The following GLIS3 variants were observed in gnomAD, a reference collection of about 807,000 sequenced individuals.
GLIS3 encodes GLIS family zinc finger 3.
GLIS3 carries 53 observed loss-of-function variants against 78.6 expected under a neutral mutation model. That is an observed-to-expected ratio of 0.67 (90% confidence interval 0.54 to 0.85). The LOEUF is 0.85. Ranked by LOEUF, GLIS3 falls within the 40% of genes least tolerant of loss-of-function variation. GLIS3 has a pLI of 0.00. For missense variants in GLIS3, 1,703 were observed against 1,231.1 expected, an observed-to-expected ratio of 1.38 and a Z score of -5.74; for synonymous variants, 684 against 509.9, an observed-to-expected ratio of 1.34 and a Z score of -4.60.
intron 4 of GLIS3, among the ~76,000 whole-genome samples, chr9:4,030,492 T>A (rs1168949557): frequency 6.6e-6 from 1 of 152,180 alleles, no homozygotes; most frequent in Non-Finnish European, 1.5e-5. Context: ...TTTTGTGGGG[T>A]ACTGCTCAAG....
At chr9:3,885,692 G>C (rs1462760485) in intron 7 of GLIS3, among the ~76,000 whole-genome samples, 1 of 152,216 alleles carries the variant, frequency 6.6e-6, no homozygotes, top group Non-Finnish European at 1.5e-5. Flanking sequence ...TGTGAATGGT[G>C]AGTTCAATCT....
intron 4 of GLIS3, among the ~76,000 whole-genome samples, chr9:3,987,196 G>A (rs1162805663): frequency 2.0e-5 from 3 of 152,076 alleles, no homozygotes; most frequent in Non-Finnish European, 4.4e-5. Flanking sequence ...AAACTTGCTG[G>A]AAGGGCTCAA....
chr9:4,421,976 A>G, the GLIS3 span, among the ~76,000 whole-genome samples: 1 of 152,204 alleles, frequency 6.6e-6, no homozygotes, highest in African/African-American at 2.4e-5. Flanking sequence ...TCAATTGTGA[A>G]TGCAGGCAAC....
At chr9:3,855,903 C>A (rs546495223) in intron 9 of GLIS3, 106 bp downstream of exon 9, 2 of 1,221,694 alleles carry the variant, frequency 1.6e-6, no homozygotes, top group South Asian at 2.4e-5. Context: ...AAGCCTAAGC[C>A]TGGTGTAGAA....
intron 9 of GLIS3, among the ~76,000 whole-genome samples, chr9:3,853,116 A>G (rs1224680699): frequency 6.6e-6 from 1 of 152,184 alleles, no homozygotes; most frequent in African/African-American, 2.4e-5. Flanking sequence ...GGAGGCTAAA[A>G]TAAGACTGAA....
chr9:4,234,910 G>A (rs1204782444), intron 2 of GLIS3, among the ~76,000 whole-genome samples: 3 of 152,096 alleles, frequency 2.0e-5, no homozygotes, highest in Non-Finnish European at 4.4e-5. Flanking sequence ...CCCTAGAGTT[G>A]GAAGGACTCA....
chr9:4,340,478 C>T (rs76116417), intron 2 of GLIS3, among the ~76,000 whole-genome samples: 3,289 of 152,196 alleles, frequency 0.022, 136 homozygotes, highest in African/African-American at 0.076. Flanking sequence ...AATTCCTCAT[C>T]TTTCAGGATG....
upstream of GLIS3, among the ~76,000 whole-genome samples, chr9:4,301,181 G>A (rs929600790): frequency 2.0e-5 from 3 of 152,128 alleles, no homozygotes; most frequent in Admixed American, 6.6e-5. Context: ...GGTTTCCACA[G>A]TACTTTTTCT....
chr9:3,887,256 G>A (rs1822142512), intron 7 of GLIS3, among the ~76,000 whole-genome samples: 1 of 152,048 alleles, frequency 6.6e-6, no homozygotes, highest in Admixed American at 6.6e-5. Flanking sequence ...GTACATCCTT[G>A]ACATGCTACC....
At chr9:3,890,748 AAACAAC>A (rs752425739) in intron 7 of GLIS3, among the ~76,000 whole-genome samples, 3 of 149,486 alleles carry the variant, frequency 2.0e-5, no homozygotes, top group East Asian at 1.9e-4. Flanking sequence ...AAAACAAACC[AAACAAC>A]AACAACAACA....
intron 6 of GLIS3, among the ~76,000 whole-genome samples, chr9:3,900,101 T>C (rs1823176742): frequency 1.4e-5 from 2 of 143,346 alleles, no homozygotes; most frequent in Non-Finnish European, 3.0e-5. Flanking sequence ...GGAAGAGAAA[T>C]AGAAGATGAA....
chr9:4,451,940 G>A, the GLIS3 span, among the ~76,000 whole-genome samples: 11 of 147,020 alleles, frequency 7.5e-5, no homozygotes, highest in East Asian at 7.7e-4. Context: ...ACTGGCAAAC[G>A]GAATCCAGCA....
chr9:4,443,050 G>C, the GLIS3 span, among the ~76,000 whole-genome samples: 7 of 152,150 alleles, frequency 4.6e-5, no homozygotes, highest in African/African-American at 1.7e-4. Flanking sequence ...AGGATGTAGA[G>C]GCTCCAAGCA....
intron 6 of GLIS3, among the ~76,000 whole-genome samples, chr9:3,929,552 C>G (rs988218925): frequency 1.3e-5 from 2 of 152,056 alleles, no homozygotes; most frequent in African/African-American, 4.8e-5. Context: ...CAGTAGGACT[C>G]ATAAAACTGG....
intron 2 of GLIS3, among the ~76,000 whole-genome samples, chr9:4,221,566 G>C (rs1821332101): frequency 6.6e-6 from 1 of 152,050 alleles, no homozygotes; most frequent in Non-Finnish European, 1.5e-5. Context: ...ATTTAATTCA[G>C]ATACCTGACT....
In GLIS3 at chr9:4,093,823, A is replaced by T. The variant is rs192921614; in HGVS notation, c.1710+23945T>A. Among the ~76,000 whole-genome samples, 80 of 152,278 alleles carry T rather than the reference A, an allele frequency of 5.3e-4. No individual in the cohort carries two copies. The East Asian group carries it at 0.013, about 24-fold the overall frequency. On this transcript the variant is annotated intron_variant, in intron 4 of 10. Transcript: ENST00000381971. ...AATTTTAGGCCATTTAAGGCCAAAC[A>T]TGTATTCTTTGGCTATGACAAGACA...
intron 2 of GLIS3, among the ~76,000 whole-genome samples, chr9:4,155,590 T>C (rs1834993032): frequency 6.6e-6 from 1 of 152,192 alleles, no homozygotes; most frequent in African/African-American, 2.4e-5. Context: ...AGGACATTAG[T>C]CACCGGTTAT....
intron 7 of GLIS3, among the ~76,000 whole-genome samples, chr9:3,882,975 C>T (rs968532851): frequency 1.3e-5 from 2 of 152,186 alleles, no homozygotes; most frequent in African/African-American, 4.8e-5. Flanking sequence ...CAGGCCATGA[C>T]TGCTCATTGT....
chr9:4,442,103 T>G, the GLIS3 span, among the ~76,000 whole-genome samples: 1 of 152,206 alleles, frequency 6.6e-6, no homozygotes, highest in African/African-American at 2.4e-5. Context: ...GATGGGAGAC[T>G]TTTCACTCCT....
Sources: gnomAD v4.1 joint callset for allele counts (sites outside exome capture counted in the v4.1 genomes callset) on GRCh38, gnomAD v4.1.1 for gene constraint, MANE v1.5 for transcripts, NCBI Gene and HGNC (gene_info 2026-07-23, HGNC 2026-07-21) for gene names.